The following PXK variants were observed in gnomAD, a reference collection of about 807,000 sequenced individuals.
The protein encoded by PXK is PX domain containing serine/threonine kinase like.
In PXK, 35 loss-of-function variants were observed where a neutral mutation model predicts 84.7. The observed-to-expected ratio is 0.41, with a 90% CI of 0.32 to 0.55. The LOEUF (loss-of-function observed/expected upper bound fraction) is 0.55. Among genes scored for constraint, PXK ranks in the 20% least tolerant of loss-of-function variants. The probability of loss-of-function intolerance (pLI) is 0.21; values close to 1 mark genes in which losing one functional copy is unlikely to be tolerated. For synonymous variants in PXK, 253 were observed against 260.8 expected, an observed-to-expected ratio of 0.97 and a Z score of 0.29; for missense variants, 634 against 699.7, an observed-to-expected ratio of 0.91 and a Z score of 1.06.
chr3:58,378,509 TTTTTGTG>T (rs1303293206), intron 3 of PXK, among the ~76,000 whole-genome samples: 665 of 43,086 alleles, frequency 0.015, 6 homozygotes, highest in South Asian at 0.047. Context: ...TTTTTTTTTT[TTTTTGTG>T]TGTGTGTGTG....
intron 3 of PXK, among the ~76,000 whole-genome samples, chr3:58,376,147 G>A (rs1260136281): frequency 1.3e-5 from 2 of 152,192 alleles, no homozygotes; most frequent in Non-Finnish European, 2.9e-5. Flanking sequence ...GGGCGTGGTG[G>A]CTCACGCCTG....
At chr3:58,351,689 G>GA (rs368597861) in intron 1 of PXK, among the ~76,000 whole-genome samples, 27 of 148,766 alleles carry the variant, frequency 1.8e-4, no homozygotes, top group East Asian at 5.9e-4. Context: ...AAAAACGTAG[G>GA]AAAAAAAAAA....
chr3:58,413,619 T>C (rs939467479), intron 17 of PXK: 3 of 152,252 alleles, frequency 2.0e-5, no homozygotes, highest in Non-Finnish European at 4.4e-5. Flanking sequence ...CTATCTTTTA[T>C]TTTTGAACCA....
At position 58,397,282 on chromosome 3, in the gene PXK, A is replaced by G; in HGVS notation, c.984+82A>G. 1 of 1,472,060 alleles carries G rather than the reference A, an allele frequency of 6.8e-7. No homozygotes were observed. The allele number at this position is 1,472,060 out of a possible 1,614,324, so 91.2% of individuals were successfully genotyped here. A position where few individuals can be genotyped will look rare whatever the true frequency, so the allele number is the denominator to read the frequency against. ...TGATCTGCCCATGTAGGAAATATGCACCAAGTAGTGAAAGGTATAGTTGGG... is the reference window on the plus strand; with the variant it reads ...TGATCTGCCCATGTAGGAAATATGCGCCAAGTAGTGAAAGGTATAGTTGGG... On this transcript the variant is annotated intron_variant, in intron 10 of 17. Coordinates refer to ENST00000356151, the MANE Select transcript of PXK (RefSeq NM_017771.5). This position sits in a 1 kb window ranked among gnomAD's most constrained non-coding sequence, Gnocchi z 4.7.
intron 1 of PXK, among the ~76,000 whole-genome samples, 193 bp from the exon 2 acceptor site, chr3:58,365,681 A>C (rs1410894116): frequency 6.6e-6 from 1 of 152,184 alleles, no homozygotes; most frequent in African/African-American, 2.4e-5. Flanking sequence ...ATGCATATAC[A>C]TTGAGGATTG....
intron 3 of PXK, among the ~76,000 whole-genome samples, chr3:58,375,243 A>T (rs1180985884): frequency 6.6e-6 from 1 of 152,246 alleles, no homozygotes; most frequent in Non-Finnish European, 1.5e-5. Flanking sequence ...GCTATGCGGT[A>T]GTGCAGGCAA....
At chr3:58,381,426 C>T (rs994181391) in intron 3 of PXK, among the ~76,000 whole-genome samples, 3 of 151,340 alleles carry the variant, frequency 2.0e-5, no homozygotes, top group Non-Finnish European at 2.9e-5. Flanking sequence ...GTGTAGGGAC[C>T]GCCAGTCCTG....
At chr3:58,424,681 G>C (rs2062567187) in intron 17 of PXK, 71 bp from the exon 18 acceptor site, 14 of 1,552,256 alleles carry the variant, frequency 9.0e-6, no homozygotes, top group Non-Finnish European at 1.2e-5. Flanking sequence ...GTTGTGCTCA[G>C]GACTGAGCAG....
intron 1 of PXK, among the ~76,000 whole-genome samples, chr3:58,335,903 C>T (rs944749289): frequency 6.6e-6 from 1 of 151,428 alleles, no homozygotes; most frequent in African/African-American, 2.4e-5. Flanking sequence ...AAAATGTATT[C>T]CTTCCTCCCT....
chr3:58,370,802 C>T lies in PXK; in HGVS notation c.201+1324C>T, dbSNP rs2098357401. Among the ~76,000 whole-genome samples, 1 of 152,110 alleles carries T rather than the reference C, an allele frequency of 6.6e-6. No individual in the cohort carries two copies. Among genetic ancestry groups the T allele is most frequent in the Non-Finnish European group, 1.5e-5 (1 of 68,030 alleles). ...TCACCTGAGGTCAGGAGTTCAAGACCAGCCTGGCTAACATGGCGAAACCCT... is the reference window on the plus strand; with the variant it reads ...TCACCTGAGGTCAGGAGTTCAAGACTAGCCTGGCTAACATGGCGAAACCCT... On this transcript the variant is annotated intron_variant, in intron 3 of 17. Transcript: ENST00000356151. This position sits in a 1 kb window ranked among gnomAD's most constrained non-coding sequence, Gnocchi z 4.2.
intron 1 of PXK, among the ~76,000 whole-genome samples, chr3:58,339,190 T>G (rs557529528): frequency 4.3e-4 from 65 of 152,010 alleles, no homozygotes; most frequent in African/African-American, 1.5e-3. Context: ...GACGTTGGTT[T>G]TTTTGTTGTT....
chr3:58,397,855 A>C lies in PXK; in HGVS notation c.1102+133A>C. The C allele has an allele frequency of 1.4e-6, 1 of 696,044 alleles. No individual in the cohort carries two copies. Among genetic ancestry groups the C allele is most frequent in the Non-Finnish European group, 2.4e-6 (1 of 415,708 alleles). The allele number at this position is 696,044 out of a possible 1,614,324, so 43.1% of individuals were successfully genotyped here. The stretch of plus-strand genomic sequence containing the variant: ...GCCAGAAATTCTTACAAAATTTAAA[A>C]GTAGACCAAATTTGAGTAGTTTACT... On this transcript the variant is annotated intron_variant, in intron 11 of 17. Transcript: ENST00000356151. The surrounding 1 kb of genome is among the most constrained non-coding windows in gnomAD (Gnocchi z 4.7).
At chr3:58,422,312 C>T (rs1312859941) in intron 17 of PXK, 2 of 985,366 alleles carry the variant, frequency 2.0e-6, no homozygotes, top group Middle Eastern at 5.2e-4. Flanking sequence ...CTGGGTCTGG[C>T]CTTCCTTGCC....
chr3:58,337,074 C>T lies in PXK; in HGVS notation c.102+3984C>T, dbSNP rs149118027. On this transcript the variant is annotated intron_variant, in intron 1 of 17. Coordinates refer to ENST00000356151, the MANE Select transcript of PXK (RefSeq NM_017771.5). Reference sequence around the variant, plus strand: ...ATCCACCTGCCTCGGGCTCCTAAGGCGCAGGGATTACAGGTTTGAGCCACC... The same window carrying T: ...ATCCACCTGCCTCGGGCTCCTAAGGTGCAGGGATTACAGGTTTGAGCCACC... Among the ~76,000 whole-genome samples, 408 of 151,732 alleles carry T rather than the reference C, an allele frequency of 2.7e-3. 2 individuals are homozygous for T. The highest frequency in any genetic ancestry group is 0.02 in the Middle Eastern group (6 of 294).
rs766782442 is a variant in PXK, at chr3:58,390,561, G to A, written c.389-21G>A. ...CTTTCCTGATATGTCTGACTAATGG[G>A]TTTCTAAAATGTCTTTGCAGAGATT... is the stretch of plus-strand genomic sequence containing the variant. On this transcript the variant is annotated intron_variant, in intron 4 of 17. Coordinates refer to ENST00000356151, the MANE Select transcript of PXK (RefSeq NM_017771.5). The surrounding 1 kb of genome is among the most constrained non-coding windows in gnomAD (Gnocchi z 4.2). 4 of 1,603,044 alleles carry A rather than the reference G, an allele frequency of 2.5e-6. No individual in the cohort carries two copies. The Admixed American group carries it at 6.7e-5, about 27-fold the overall frequency.
intron 1 of PXK, among the ~76,000 whole-genome samples, chr3:58,343,188 G>A (rs2097766052): frequency 6.6e-6 from 1 of 152,192 alleles, no homozygotes; most frequent in Non-Finnish European, 1.5e-5. Flanking sequence ...TTTTGAGCCT[G>A]CCCTTCCACC....
chr3:58,386,036 T>A (rs2098547925), intron 4 of PXK, among the ~76,000 whole-genome samples: 1 of 152,114 alleles, frequency 6.6e-6, no homozygotes, highest in South Asian at 2.1e-4. Flanking sequence ...CTCAGGACAT[T>A]GGCAGCTTCC....
chr3:58,381,109 C>T (rs546022418), intron 3 of PXK, among the ~76,000 whole-genome samples: 1 of 151,688 alleles, frequency 6.6e-6, no homozygotes, highest in Admixed American at 6.6e-5. Context: ...ATTAGCTGGG[C>T]ATTGTGGCTG....
intron 1 of PXK, among the ~76,000 whole-genome samples, chr3:58,352,283 G>A (rs1360358355): frequency 1.3e-5 from 2 of 152,248 alleles, no homozygotes; most frequent in African/African-American, 4.8e-5. Flanking sequence ...CCAGGAGGGA[G>A]CGCTTCAGTC....
Sources: gnomAD v4.1 joint callset for allele counts (sites outside exome capture counted in the v4.1 genomes callset) on GRCh38, gnomAD v4.1.1 for gene constraint, Gnocchi (gnomAD v3.1) non-coding constraint, MANE v1.5 for transcripts, NCBI Gene and HGNC (gene_info 2026-07-23, HGNC 2026-07-21) for gene names.